The following SLC25A53 variants were observed in gnomAD, a reference collection of about 807,000 sequenced individuals.
SLC25A53 encodes mitochondrial carrier triple repeat protein 6.
SLC25A53 carries 5 observed loss-of-function variants against 15.0 expected under a neutral mutation model. That is an observed-to-expected ratio of 0.33 (90% confidence interval 0.17 to 0.70). SLC25A53 has a LOEUF of 0.70. SLC25A53 is among the 30% of genes least tolerant of loss of function. The pLI is 0.67. For synonymous variants in SLC25A53, 95 were observed against 100.0 expected (o/e 0.95, Z 0.30); for missense variants, 216 against 241.6 (o/e 0.89, Z 0.70).
Position 104,145,602 on chromosome X carries a change from C to T in SLC25A53, c.-32+11276G>A, listed in dbSNP as rs192683699. On this transcript the variant is annotated intron_variant, in intron 1 of 1. Transcript: ENST00000594199. ...GAAGAAAAGAGAAGAATCAAATAGACGAAATAAAAAATGATAAAGGGGATA... is the reference window on the plus strand; with the variant it reads ...GAAGAAAAGAGAAGAATCAAATAGATGAAATAAAAAATGATAAAGGGGATA... Among the ~76,000 whole-genome samples, 1,019 of 111,233 alleles carry T rather than the reference C, an allele frequency of 9.2e-3. 41 individuals are homozygous for T. The East Asian group carries it at 0.11, about 12-fold the overall frequency.
rs371362283 is a variant in SLC25A53, at chrX:104,104,586, G to A, written c.672C>T (p.Ile224=). 9.7e-5 allele frequency: 117 copies of A among 1,210,026 alleles called. No individual in the cohort carries two copies. Among genetic ancestry groups the A allele is most frequent in the Middle Eastern group, 6.9e-4 (3 of 4,371 alleles). The change falls in exon 2 of 2, where the codon ATC becomes ATT. Residue 224 remains isoleucine (I), a synonymous_variant. Transcript: ENST00000594199. ...ALVSGSVNGT[I]TCLVLYPLIV... is the part of the protein sequence containing the mutation. ...TCAGAGGATACAGAACTAGGCAGGT[G>A]ATTGTTCCATTGACACTACCAGACA...
chrX:104,150,680 C>T (rs1430129618), intron 1 of SLC25A53, among the ~76,000 whole-genome samples: 1 of 112,412 alleles, frequency 8.9e-6, no homozygotes, highest in Non-Finnish European at 1.9e-5. Context: ...CATTAAGATA[C>T]ACAATCACAG....
intron 1 of SLC25A53, among the ~76,000 whole-genome samples, chrX:104,124,285 G>A (rs1249463215): frequency 8.9e-6 from 1 of 111,868 alleles, no homozygotes; most frequent in Non-Finnish European, 1.9e-5. Context: ...TCTCATTGTG[G>A]TTTTGATTTG....
At chrX:104,139,264 T>C (rs191925994) in intron 1 of SLC25A53, among the ~76,000 whole-genome samples, 107 of 111,977 alleles carry the variant, frequency 9.6e-4, no homozygotes, top group Admixed American at 7.4e-3. Flanking sequence ...ACGCCTGTAA[T>C]CCCAGCACTC....
chrX:104,109,012 CA>C (rs1245709887), intron 1 of SLC25A53, among the ~76,000 whole-genome samples: 1 of 111,579 alleles, frequency 9.0e-6, no homozygotes, highest in South Asian at 3.8e-4. Flanking sequence ...AAGGTGGAAG[CA>C]AAAAGACAAC....
At chrX:104,134,724 AC>A (rs781933235) in intron 1 of SLC25A53, among the ~76,000 whole-genome samples, 5 of 111,456 alleles carry the variant, frequency 4.5e-5, no homozygotes, top group Non-Finnish European at 9.4e-5. Flanking sequence ...ATCTTGGAAG[AC>A]TGTGCCTTCT....
At chrX:104,126,009 T>C (rs1462444054) in intron 1 of SLC25A53, among the ~76,000 whole-genome samples, 5 of 112,086 alleles carry the variant, frequency 4.5e-5, no homozygotes, top group African/African-American at 9.7e-5. Flanking sequence ...GGATTTTTCA[T>C]AGATACACAC....
At position 104,102,064 on chromosome X, in the gene SLC25A53, G is replaced by A. The variant is rs781957265; in HGVS notation, c.*2270C>T. 3.7e-4 allele frequency: 41 copies of A among 111,540 alleles called. No homozygotes were observed. The highest frequency in any genetic ancestry group is 4.9e-4 in the African/African-American group (15 of 30,608). The allele number at this position is 111,540 out of a possible 1,213,427, so 9.2% of individuals were successfully genotyped here. A position where few individuals can be genotyped will look rare whatever the true frequency, so the allele number is the denominator to read the frequency against. On this transcript the variant is annotated 3_prime_UTR_variant, in exon 2 of 2. Coordinates refer to ENST00000594199, the MANE Select transcript of SLC25A53 (RefSeq NM_001012755.5). ...GTTGAGTACTGTCCCAACACATCCCGATCTGCAGATGTGGAAGCTCATCTT... is the reference window on the plus strand; with the variant it reads ...GTTGAGTACTGTCCCAACACATCCCAATCTGCAGATGTGGAAGCTCATCTT...
chrX:104,139,518 C>A (rs782286363), intron 1 of SLC25A53, among the ~76,000 whole-genome samples: 1 of 110,453 alleles, frequency 9.1e-6, no homozygotes, highest in Non-Finnish European at 1.9e-5. Context: ...AACTCCATCT[C>A]AAAAAAATAA....
intron 1 of SLC25A53, among the ~76,000 whole-genome samples, chrX:104,106,932 T>C (rs1556356350): frequency 9.9e-6 from 1 of 100,582 alleles, no homozygotes; most frequent in African/African-American, 3.7e-5. Context: ...CCTATCCCCA[T>C]TGCTCCATCC....
At chrX:104,121,924 T>TC (rs2075395333) in intron 1 of SLC25A53, among the ~76,000 whole-genome samples, 8 of 45,823 alleles carry the variant, frequency 1.7e-4, no homozygotes, top group East Asian at 8.0e-4. Flanking sequence ...TATATATATA[T>TC]ATATATATAT....
intron 1 of SLC25A53, among the ~76,000 whole-genome samples, chrX:104,133,849 C>T (rs1198786440): frequency 8.9e-6 from 1 of 111,792 alleles, no homozygotes. Context: ...GTTTCCTCCC[C>T]GTGGCTGTAA....
At chrX:104,137,134 C>T (rs1156705474) in intron 1 of SLC25A53, among the ~76,000 whole-genome samples, 1 of 111,395 alleles carries the variant, frequency 9.0e-6, no homozygotes, top group Non-Finnish European at 1.9e-5. Flanking sequence ...CATAGTCACA[C>T]AGCCAGGAAA....
intron 1 of SLC25A53, among the ~76,000 whole-genome samples, chrX:104,142,037 A>C (rs782473891): frequency 8.9e-6 from 1 of 112,023 alleles, no homozygotes; most frequent in East Asian, 2.8e-4. Flanking sequence ...TAAAAGAAAA[A>C]GGTTCAGGAT....
rs1467494523 is a variant in SLC25A53 at position 104,101,472 on chromosome X, C to T, written c.*2862G>A. ...CCATCCTGAAGCAACCAGAGGCTGC[C>T]AGCCATCAGTCAATTATTAGCATAC... is the stretch of plus-strand genomic sequence containing the variant. On this transcript the variant is annotated 3_prime_UTR_variant, in exon 2 of 2. Coordinates refer to ENST00000594199, the MANE Select transcript of SLC25A53 (RefSeq NM_001012755.5). 8.9e-6 allele frequency: 1 copy of T among 112,158 alleles called. No homozygotes were observed. Among genetic ancestry groups the T allele is most frequent in the Non-Finnish European group, 1.9e-5 (1 of 53,237 alleles). 9.2% of individuals were successfully genotyped at this position (112,158 alleles called of 1,213,427 possible). A position where few individuals can be genotyped will look rare whatever the true frequency, so the allele number is the denominator to read the frequency against.
At chrX:104,119,204 T>C (rs1556362185) in intron 1 of SLC25A53, among the ~76,000 whole-genome samples, 2 of 112,321 alleles carry the variant, frequency 1.8e-5, no homozygotes, top group Non-Finnish European at 3.8e-5. Flanking sequence ...CCCAGATACA[T>C]TTGAGCAGTA....
Position 104,105,253 on chromosome X carries a change from C to A in SLC25A53, c.5G>T (p.Gly2Val), listed in dbSNP as rs2075303344. The A allele has an allele frequency of 8.3e-7, 1 of 1,199,557 alleles. No individual in the cohort carries two copies. The highest frequency in any genetic ancestry group is 2.2e-5 in the Admixed American group (1 of 44,679). The change falls in exon 2 of 2, where the codon GGG becomes GTG. Residue 2 changes from glycine to valine, a missense_variant. Coordinates refer to ENST00000594199, the MANE Select transcript of SLC25A53 (RefSeq NM_001012755.5). ...CTTCCCGGGAGAGTGGTTCTGCTCC[C>A]CCATGCTGAAGACAACTGGGTGCAG... M[G>V]EQNHSPGKEL...
intron 1 of SLC25A53, among the ~76,000 whole-genome samples, chrX:104,151,444 C>T (rs2075484537): frequency 9.0e-6 from 1 of 111,475 alleles, no homozygotes; most frequent in African/African-American, 3.3e-5. Flanking sequence ...TACCCTTTTC[C>T]TCCTCTCCTT....
At chrX:104,139,671 G>T (rs1343535096) in intron 1 of SLC25A53, among the ~76,000 whole-genome samples, 5 of 111,315 alleles carry the variant, frequency 4.5e-5, no homozygotes, top group Non-Finnish European at 9.4e-5. Context: ...AAAATTAGCT[G>T]GGTGTGGTGG....
Sources: allele counts gnomAD v4.1 joint callset (sites outside exome capture counted in the v4.1 genomes callset), GRCh38; gene constraint gnomAD v4.1.1; transcripts MANE v1.5; gene names NCBI Gene and HGNC (gene_info 2026-07-23, HGNC 2026-07-21).